TRIP12: variants seen among roughly 807,000 people sequenced by gnomAD.
TRIP12 encodes E3 ubiquitin-protein ligase TRIP12.
TRIP12 carries 25 observed loss-of-function variants against 244.2 expected under a neutral mutation model. The observed-to-expected ratio is 0.10, with a 90% CI of 0.07 to 0.14. The LOEUF (loss-of-function observed/expected upper bound fraction) is 0.14. Among genes scored for constraint, TRIP12 ranks in the 10% least tolerant of loss-of-function variants. The pLI is 1.00. For missense variants in TRIP12, 1,677 were observed against 2,486.4 expected, an observed-to-expected ratio of 0.67 and a Z score of 6.92; for synonymous variants, 905 against 873.1, an observed-to-expected ratio of 1.04 and a Z score of -0.64.
intron 24 of TRIP12, 117 bp downstream of exon 24, chr2:229,797,571 TAA>T (rs1259411897): frequency 1.0e-4 from 129 of 1,266,700 alleles, no homozygotes; most frequent in South Asian, 8.8e-4. Context: ...GTATATAAGG[TAA>T]AAGTCGATGT....
rs73101681 is a variant in TRIP12 at position 229,868,790 on chromosome 2, T to C, written c.99-8259A>G. ...CTAAGTAGGCTTTAGGGAAACAAAC[T>C]ATCATAGAGATGCAAATAAGAATGC... is the stretch of plus-strand genomic sequence containing the variant. On this transcript the variant is annotated intron_variant, in intron 2 of 41. Coordinates refer to ENST00000675903, the MANE Select transcript of TRIP12 (RefSeq NM_001348323.3). 1.0e-2 allele frequency among the ~76,000 whole-genome samples: 1,519 copies of C among 152,328 alleles called. 26 individuals carry two copies. Among genetic ancestry groups the C allele is most frequent in the African/African-American group, 0.035 (1,464 of 41,564 alleles).
At position 229,902,246 on chromosome 2, in the gene TRIP12, T is replaced by C. The variant is rs572259208; in HGVS notation, c.-50+19634A>G. Among the ~76,000 whole-genome samples the C allele has an allele frequency of 2.6e-4, 40 of 152,118 alleles. No individual in the cohort carries two copies. In the South Asian group the frequency reaches 7.9e-3, roughly 30 times the overall value. ...TAAAAATACAAAAATTAGCTGGGCATAGTGGTCGTGCCTACAGTCCCAGCT... is the reference window on the plus strand; with the variant it reads ...TAAAAATACAAAAATTAGCTGGGCACAGTGGTCGTGCCTACAGTCCCAGCT... On this transcript the variant is annotated intron_variant, in intron 1 of 41. Coordinates refer to ENST00000675903, the MANE Select transcript of TRIP12 (RefSeq NM_001348323.3).
At chr2:229,875,273 T>C (rs1353625195) in intron 2 of TRIP12, among the ~76,000 whole-genome samples, 5 of 152,204 alleles carry the variant, frequency 3.3e-5, no homozygotes, top group Non-Finnish European at 7.3e-5. Context: ...CTTTCATTTA[T>C]CTTAAGAATG....
At chr2:229,917,299 T>C (rs910598301) in intron 1 of TRIP12, among the ~76,000 whole-genome samples, 2 of 138,994 alleles carry the variant, frequency 1.4e-5, no homozygotes, top group African/African-American at 5.4e-5. Context: ...GAGAATGGCA[T>C]GAACCCTGGA....
At chr2:229,784,832 A>G (rs1460239507) in intron 34 of TRIP12, among the ~76,000 whole-genome samples, 1 of 152,246 alleles carries the variant, frequency 6.6e-6, no homozygotes, top group Non-Finnish European at 1.5e-5. Context: ...GGGAATGTAA[A>G]ATGTGACAGC....
intron 29 of TRIP12, 173 bp downstream of exon 29, chr2:229,791,693 T>G (rs1482724979): frequency 1.6e-6 from 1 of 643,354 alleles, no homozygotes; most frequent in East Asian, 2.7e-5. Flanking sequence ...ATGAGGAGGC[T>G]ACATATACAT....
chr2:229,777,188 A>T (rs2036548960), intron 37 of TRIP12, 127 bp downstream of exon 37: 2 of 1,101,620 alleles, frequency 1.8e-6, no homozygotes, highest in African/African-American at 3.2e-5. Flanking sequence ...TTAGTACAAT[A>T]AAAGAATTAA....
At chr2:229,788,742 T>C (rs1370066823) in intron 32 of TRIP12, 56 bp downstream of exon 32, 1 of 1,583,458 alleles carries the variant, frequency 6.3e-7, no homozygotes, top group Non-Finnish European at 8.6e-7. Context: ...ACAAAATACA[T>C]CAAGACCAAC....
chr2:229,859,924 C>A lies in TRIP12; in HGVS notation c.225-350G>T, dbSNP rs61109273. 2.0e-5 allele frequency among the ~76,000 whole-genome samples: 3 copies of A among 152,326 alleles called. No homozygotes were observed. In the East Asian group the frequency reaches 5.8e-4, roughly 29 times the overall value. Reference sequence around the variant, plus strand: ...ATTGATGCCCTATTCACAAGCACAACTGCTTTGTCAAAGCTTAGAAGAAAT... The same window carrying A: ...ATTGATGCCCTATTCACAAGCACAAATGCTTTGTCAAAGCTTAGAAGAAAT... On this transcript the variant is annotated intron_variant, in intron 3 of 41. Coordinates refer to ENST00000675903, the MANE Select transcript of TRIP12 (RefSeq NM_001348323.3).
At chr2:229,845,696 T>C (rs1041185596) in intron 4 of TRIP12, among the ~76,000 whole-genome samples, 9 of 152,186 alleles carry the variant, frequency 5.9e-5, no homozygotes, top group African/African-American at 2.2e-4. Context: ...TTTACATTTA[T>C]AGGCATATCA....
In TRIP12 at chr2:229,767,629, A is replaced by G; in HGVS notation, c.6129T>C (p.Tyr2043=). 1 of 1,614,194 alleles carries G rather than the reference A, an allele frequency of 6.2e-7. No individual in the cohort carries two copies. Among genetic ancestry groups the G allele is most frequent in the Non-Finnish European group, 8.5e-7 (1 of 1,180,004 alleles). ...TTTCACGCATTATCTCAATGCTTGAATAGTCCGGCAACTTAAGATAGTTCA... is the reference window on the plus strand; with the variant it reads ...TTTCACGCATTATCTCAATGCTTGAGTAGTCCGGCAACTTAAGATAGTTCA... ...TCVNYLKLPD[Y]SSIEIMREKL... is the part of the protein sequence containing the mutation. The change falls in exon 42 of 42, where the codon TAT becomes TAC. Residue 2043 remains tyrosine (Y), a synonymous_variant. Transcript: ENST00000675903.
intron 1 of TRIP12, among the ~76,000 whole-genome samples, chr2:229,885,755 G>A (rs2065886290): frequency 6.6e-6 from 1 of 152,066 alleles, no homozygotes; most frequent in Admixed American, 6.6e-5. Flanking sequence ...AGATTGAGAG[G>A]TGCCGAGAAA....
intron 32 of TRIP12, among the ~76,000 whole-genome samples, chr2:229,788,566 TG>T (rs2040650345): frequency 6.6e-6 from 1 of 152,236 alleles, no homozygotes; most frequent in Non-Finnish European, 1.5e-5. Flanking sequence ...TCAGCCAAAC[TG>T]CTATGTGTAC....
In TRIP12 at chr2:229,777,456, G is replaced by C. The variant is rs777422197; in HGVS notation, c.5388C>G (p.Pro1796=). The change falls in exon 37 of 42, where the codon CCC becomes CCG. Residue 1796 remains proline (P), a synonymous_variant. Coordinates refer to ENST00000675903, the MANE Select transcript of TRIP12 (RefSeq NM_001348323.3). ...FRLVDLPLGL[P]FYKWMLRQET... ...CTTGCCGTAGCATCCATTTATAAAA[G>C]GGTAAGCCAAGGGGAAGGTCCACCT... The C allele has an allele frequency of 7.4e-6, 12 of 1,613,686 alleles. No homozygotes were observed. The East Asian group carries it at 1.6e-4, about 21-fold the overall frequency.
Position 229,806,041 on chromosome 2 carries a change from C to T in TRIP12, c.2497-158G>A, listed in dbSNP as rs2045798000. 1.1e-5 allele frequency: 6 copies of T among 529,800 alleles called. No individual in the cohort carries two copies. In the Admixed American group the frequency reaches 2.0e-4, roughly 18 times the overall value. The allele number at this position is 529,800 out of a possible 1,614,324, so 32.8% of individuals were successfully genotyped here. A position where few individuals can be genotyped will look rare whatever the true frequency, so the allele number is the denominator to read the frequency against. ...AGATGGAATAATAGTGTAGATATGA[C>T]AAAACTCATTCATTCAACAAATCAT... On this transcript the variant is annotated intron_variant, in intron 17 of 41. Coordinates refer to ENST00000675903, the MANE Select transcript of TRIP12 (RefSeq NM_001348323.3).
chr2:229,914,103 G>C (rs1475814466), intron 1 of TRIP12, among the ~76,000 whole-genome samples: 2 of 152,180 alleles, frequency 1.3e-5, no homozygotes, highest in African/African-American at 4.8e-5. Flanking sequence ...AGGAGGCTGA[G>C]GCAGGGAATC....
chr2:229,818,645 TA>T, intron 8 of TRIP12, 133 bp from the exon 9 acceptor site: 1 of 761,758 alleles, frequency 1.3e-6, no homozygotes, highest in African/African-American at 1.8e-5. Flanking sequence ...ATACCAGGGT[TA>T]AGGCTCACTG....
intron 17 of TRIP12, 179 bp downstream of exon 17, chr2:229,807,529 C>A: frequency 1.4e-6 from 1 of 724,730 alleles, no homozygotes. Context: ...AGGACTAGAA[C>A]ATGAAGTTTT....
At chr2:229,883,373 A>G (rs2065266096) in intron 1 of TRIP12, among the ~76,000 whole-genome samples, 1 of 152,246 alleles carries the variant, frequency 6.6e-6, no homozygotes, top group Non-Finnish European at 1.5e-5. Context: ...TGACTTGACC[A>G]ATTACTTATG....
Sources: allele counts gnomAD v4.1 joint callset (sites outside exome capture counted in the v4.1 genomes callset), GRCh38; gene constraint gnomAD v4.1.1; transcripts MANE v1.5; gene names NCBI Gene and HGNC (gene_info 2026-07-23, HGNC 2026-07-21).